The following RBMS3 variants were observed in gnomAD, a reference collection of about 807,000 sequenced individuals.
RBMS3 encodes the protein RNA-binding motif, single-stranded-interacting protein 3.
RBMS3 carries 27 observed loss-of-function variants against 66.8 expected under a neutral mutation model. That is an observed-to-expected ratio of 0.40 (90% CI 0.30 to 0.56). The LOEUF (loss-of-function observed/expected upper bound fraction) is 0.56, where lower values mean the gene tolerates loss of function less well. Ranked by LOEUF, RBMS3 falls within the 20% of genes least tolerant of loss-of-function variation. The pLI is 0.40. For missense variants in RBMS3, 513 were observed against 549.5 expected, an observed-to-expected ratio of 0.93 and a Z score of 0.66; for synonymous variants, 188 against 183.0, an observed-to-expected ratio of 1.03 and a Z score of -0.22.
chr3:29,398,649 T>G (rs1394676397), intron 1 of RBMS3, among the ~76,000 whole-genome samples: 1 of 152,178 alleles, frequency 6.6e-6, no homozygotes, highest in East Asian at 1.9e-4. Flanking sequence ...CCATAACTGT[T>G]GGTGACCAGG....
intron 4 of RBMS3, among the ~76,000 whole-genome samples, chr3:29,618,237 G>A (rs767262507): frequency 6.6e-6 from 1 of 152,176 alleles, no homozygotes. Flanking sequence ...GCTCAAGCCT[G>A]TAATCCTAGC....
intron 2 of RBMS3, among the ~76,000 whole-genome samples, chr3:29,460,398 G>A (rs961924307): frequency 2.0e-5 from 3 of 152,154 alleles, no homozygotes; most frequent in East Asian, 1.9e-4. Flanking sequence ...TGTTCATGGT[G>A]GTGTTTCTGT....
At chr3:29,759,811 T>C (rs1199261987) in intron 5 of RBMS3, among the ~76,000 whole-genome samples, 1 of 152,122 alleles carries the variant, frequency 6.6e-6, no homozygotes, top group Admixed American at 6.6e-5. Flanking sequence ...GCAGCTCCTA[T>C]ATTGCCATCT....
chr3:29,793,155 C>A (rs9827397), intron 6 of RBMS3, among the ~76,000 whole-genome samples: 2 of 151,212 alleles, frequency 1.3e-5, no homozygotes, highest in Non-Finnish European at 2.9e-5. Context: ...TGCTTGAACC[C>A]GGGAGGTGGA....
chr3:29,549,071 T>G (rs1258883284), intron 3 of RBMS3, among the ~76,000 whole-genome samples: 2 of 149,210 alleles, frequency 1.3e-5, no homozygotes, highest in Non-Finnish European at 3.0e-5. Flanking sequence ...TTTTTTTTTT[T>G]TTTTTTTTTT....
intron 10 of RBMS3, among the ~76,000 whole-genome samples, chr3:29,912,312 G>A (rs1346148171): frequency 1.3e-5 from 2 of 152,056 alleles, no homozygotes; most frequent in Non-Finnish European, 2.9e-5. Context: ...GCTTCCAGGT[G>A]CCGTTAGACA....
At chr3:29,814,930 A>T (rs1449861318) in intron 6 of RBMS3, among the ~76,000 whole-genome samples, 1 of 152,160 alleles carries the variant, frequency 6.6e-6, no homozygotes, top group African/African-American at 2.4e-5. Flanking sequence ...TCCTTGCCAT[A>T]TATAAAGTTA....
intron 10 of RBMS3, among the ~76,000 whole-genome samples, chr3:29,922,176 C>T (rs1286330970): frequency 6.6e-6 from 1 of 152,184 alleles, no homozygotes; most frequent in African/African-American, 2.4e-5. Flanking sequence ...TAATTTATCT[C>T]TCAGTTATTT....
intron 1 of RBMS3, among the ~76,000 whole-genome samples, chr3:29,379,965 G>A (rs1323504421): frequency 6.6e-6 from 1 of 152,082 alleles, no homozygotes; most frequent in East Asian, 1.9e-4. Context: ...TTAAAAAATG[G>A]CCTTTCAACT....
chr3:29,711,847 AT>A (rs2053184376), intron 4 of RBMS3, among the ~76,000 whole-genome samples: 1 of 152,202 alleles, frequency 6.6e-6, no homozygotes, highest in Admixed American at 6.5e-5. Flanking sequence ...AAGGAAAATA[AT>A]AAAGCAAACC....
intron 4 of RBMS3, among the ~76,000 whole-genome samples, chr3:29,610,157 G>T (rs918105867): frequency 6.6e-6 from 1 of 151,954 alleles, no homozygotes; most frequent in Non-Finnish European, 1.5e-5. Context: ...GAGATATGGG[G>T]TATTAACTGA....
chr3:29,333,573 T>A (rs1452081661), intron 1 of RBMS3, among the ~76,000 whole-genome samples: 1 of 152,196 alleles, frequency 6.6e-6, no homozygotes, highest in East Asian at 1.9e-4. Flanking sequence ...ATAGTGAAGC[T>A]ACAATTAAGG....
intron 6 of RBMS3, among the ~76,000 whole-genome samples, chr3:29,861,249 A>G (rs191000181): frequency 3.7e-4 from 56 of 152,248 alleles, no homozygotes; most frequent in Admixed American, 1.0e-3. Flanking sequence ...CTACTCTTAT[A>G]CTAAGATTTT....
At chr3:29,888,026 C>T (rs2059913235) in intron 8 of RBMS3, among the ~76,000 whole-genome samples, 1 of 151,714 alleles carries the variant, frequency 6.6e-6, no homozygotes. Context: ...TCAAAATCTC[C>T]ACCTCATATT....
At chr3:29,927,078 G>A (rs1298037768) in intron 10 of RBMS3, 1 of 152,182 alleles carries the variant, frequency 6.6e-6, no homozygotes, top group Non-Finnish European at 1.5e-5. Flanking sequence ...GAACTCCAAT[G>A]TTAAACTTCC....
At chr3:29,593,420 A>G (rs1576318307) in intron 4 of RBMS3, among the ~76,000 whole-genome samples, 1 of 152,168 alleles carries the variant, frequency 6.6e-6, no homozygotes, top group African/African-American at 2.4e-5. Flanking sequence ...CCTGGTAAAC[A>G]TAGAGGCTTC....
intron 1 of RBMS3, among the ~76,000 whole-genome samples, chr3:29,390,364 G>A (rs1212829090): frequency 6.6e-6 from 1 of 151,858 alleles, no homozygotes; most frequent in Non-Finnish European, 1.5e-5. Flanking sequence ...CATATTTAAA[G>A]AGATATTTTA....
intron 3 of RBMS3, among the ~76,000 whole-genome samples, chr3:29,498,414 C>CATGGCAAATGGTAAA (rs2043843261): frequency 6.6e-6 from 1 of 151,898 alleles, no homozygotes; most frequent in African/African-American, 2.4e-5. Flanking sequence ...ATTGTATATA[C>CATGGCAAATGGTAAA]TAATGTATAT....
intron 10 of RBMS3, among the ~76,000 whole-genome samples, chr3:29,911,272 T>C (rs1051563177): frequency 2.0e-5 from 3 of 152,168 alleles, no homozygotes; most frequent in East Asian, 3.9e-4. Context: ...CTATTCACCA[T>C]GTGCTGCAGC....
Sources: gnomAD v4.1 joint callset for allele counts (sites outside exome capture counted in the v4.1 genomes callset) on GRCh38, gnomAD v4.1.1 for gene constraint, MANE v1.5 for transcripts, NCBI Gene and HGNC (gene_info 2026-07-23, HGNC 2026-07-21) for gene names.